SFMBT2: variants seen among roughly 807,000 people sequenced by gnomAD.
SFMBT2 encodes the protein scm-like with four MBT domains protein 2.
Under a neutral mutation model 110.1 loss-of-function variants are expected in SFMBT2, and 38 were observed. The observed-to-expected ratio is 0.35, with a 90% confidence interval of 0.27 to 0.45. The LOEUF is 0.45. SFMBT2 is among the 20% of genes least tolerant of loss of function. The pLI, the probability that SFMBT2 is intolerant of heterozygous loss-of-function variation, is 1.00. For missense variants in SFMBT2, 1,011 were observed against 1,094.9 expected (o/e 0.92, Z 1.08); for synonymous variants, 425 against 425.4 (o/e 1.00, Z 0.01).
At chr10:7,406,573 G>C (rs1846215555) in intron 1 of SFMBT2, among the ~76,000 whole-genome samples, 1 of 152,014 alleles carries the variant, frequency 6.6e-6, no homozygotes, top group Non-Finnish European at 1.5e-5. Context: ...ACAGGGAAGA[G>C]TCAGGAACCT....
intron 4 of SFMBT2, among the ~76,000 whole-genome samples, chr10:7,332,137 T>A (rs1264189810): frequency 6.6e-6 from 1 of 152,056 alleles, no homozygotes; most frequent in Admixed American, 6.5e-5. Flanking sequence ...TGGTATTGGC[T>A]CTTGGTACCA....
At chr10:7,251,730 A>G (rs1171547589) in intron 7 of SFMBT2, among the ~76,000 whole-genome samples, 2 of 152,186 alleles carry the variant, frequency 1.3e-5, no homozygotes, top group African/African-American at 4.8e-5. Flanking sequence ...ATTCATAACT[A>G]TAAGTGATGG....
At chr10:7,250,646 A>C (rs1338568527) in intron 7 of SFMBT2, among the ~76,000 whole-genome samples, 3 of 152,184 alleles carry the variant, frequency 2.0e-5, no homozygotes, top group Non-Finnish European at 4.4e-5. Context: ...TTTTAAGTCA[A>C]GAAATCTCAA....
rs1362381625 is a variant in SFMBT2, at chr10:7,364,366, T to C, written c.436+3283A>G. ...GTGTTCTCATTTTTCTTTTTGAACT[T>C]GTCATTTTAAGTGTGACTGTGGCAA... On this transcript the variant is annotated intron_variant, in intron 4 of 20. Transcript: ENST00000397167. 1.4e-4 allele frequency among the ~76,000 whole-genome samples: 21 copies of C among 152,236 alleles called. 1 individual carries two copies. The highest frequency in any genetic ancestry group is 2.1e-4 in the Non-Finnish European group (14 of 68,040).
At chr10:7,337,810 T>C (rs1227497566) in intron 4 of SFMBT2, among the ~76,000 whole-genome samples, 2 of 152,336 alleles carry the variant, frequency 1.3e-5, no homozygotes, top group South Asian at 4.1e-4. Flanking sequence ...TGGAATCAAC[T>C]GAAGACGAAA....
intron 9 of SFMBT2, among the ~76,000 whole-genome samples, chr10:7,231,797 TTCA>T (rs1840115962): frequency 1.3e-5 from 2 of 152,232 alleles, no homozygotes; most frequent in African/African-American, 4.8e-5. Context: ...CTTTACTCAC[TTCA>T]TCATTTCAAA....
chr10:7,261,703 T>A (rs1841209772), intron 7 of SFMBT2, among the ~76,000 whole-genome samples: 1 of 152,254 alleles, frequency 6.6e-6, no homozygotes, highest in Non-Finnish European at 1.5e-5. Flanking sequence ...TCCACTCTCC[T>A]AAACTGAGCC....
chr10:7,401,458 T>C lies in SFMBT2; in HGVS notation c.-52+9403A>G, dbSNP rs564880025. Among the ~76,000 whole-genome samples the C allele has an allele frequency of 1.2e-4, 19 of 152,258 alleles. No homozygotes were observed. In the South Asian group the frequency reaches 1.9e-3, roughly 15 times the overall value. On this transcript the variant is annotated intron_variant, in intron 1 of 20. Transcript: ENST00000397167. ...ACCTCCTGTTTGTTTATAAATACAA[T>C]ATGTACTATGAAAGAACAATTATGA...
intron 4 of SFMBT2, chr10:7,348,401 G>C: frequency 7.5e-7 from 1 of 1,334,798 alleles, no homozygotes; most frequent in Non-Finnish European, 9.9e-7. Context: ...GATGGGCTTT[G>C]GGGGGCTCTT....
chr10:7,268,566 A>G (rs1448416951), intron 7 of SFMBT2, among the ~76,000 whole-genome samples: 2 of 151,722 alleles, frequency 1.3e-5, no homozygotes, highest in Non-Finnish European at 2.9e-5. Flanking sequence ...GCTGGAGTGC[A>G]GTGGCACGAT....
At chr10:7,168,572 G>A (rs181648612) in intron 20 of SFMBT2, among the ~76,000 whole-genome samples, 2 of 152,304 alleles carry the variant, frequency 1.3e-5, no homozygotes, top group East Asian at 3.9e-4. Flanking sequence ...CGTGATCAGC[G>A]CAACCAAACA....
intron 7 of SFMBT2, among the ~76,000 whole-genome samples, chr10:7,254,289 C>T (rs1588388346): frequency 6.6e-6 from 1 of 152,232 alleles, no homozygotes; most frequent in Non-Finnish European, 1.5e-5. Context: ...CACTGAGGCA[C>T]CGCACAGGAG....
intron 16 of SFMBT2, among the ~76,000 whole-genome samples, chr10:7,180,155 C>A (rs573978399): frequency 6.6e-6 from 1 of 151,154 alleles, no homozygotes; most frequent in African/African-American, 2.4e-5. Flanking sequence ...CAGGGTCTCA[C>A]TTAGTCATCC....
intron 4 of SFMBT2, among the ~76,000 whole-genome samples, chr10:7,345,930 C>T (rs570868684): frequency 5.3e-5 from 8 of 152,306 alleles, no homozygotes; most frequent in East Asian, 1.9e-4. Flanking sequence ...CATTCCACTT[C>T]GAGTGCCAAG....
chr10:7,366,864 C>T (rs1257896462), intron 4 of SFMBT2, among the ~76,000 whole-genome samples: 1 of 152,154 alleles, frequency 6.6e-6, no homozygotes, highest in African/African-American at 2.4e-5. Flanking sequence ...TCATCGCTGG[C>T]CTCCACCCAC....
intron 17 of SFMBT2, among the ~76,000 whole-genome samples, chr10:7,175,685 T>C (rs112752703): frequency 6.6e-6 from 1 of 152,306 alleles, no homozygotes; most frequent in African/African-American, 2.4e-5. Context: ...CTGCCATCCA[T>C]TGAGCTGTAG....
At chr10:7,192,017 T>A (rs2692800) in intron 15 of SFMBT2, among the ~76,000 whole-genome samples, 1 of 151,798 alleles carries the variant, frequency 6.6e-6, no homozygotes, top group South Asian at 2.1e-4. Flanking sequence ...GTCTTCTCTA[T>A]GAGAAAATAA....
chr10:7,377,874 G>A lies in SFMBT2; in HGVS notation c.100+3925C>T, dbSNP rs1292191090. On this transcript the variant is annotated intron_variant, in intron 2 of 20. Coordinates refer to ENST00000397167, the MANE Select transcript of SFMBT2 (RefSeq NM_001387889.1). Reference sequence around the variant, plus strand: ...GGGAACCCCTGTAGAAATGTGTCACGGGACACAGGGGAGGTGGCACGGGAG... The same window carrying A: ...GGGAACCCCTGTAGAAATGTGTCACAGGACACAGGGGAGGTGGCACGGGAG... Among the ~76,000 whole-genome samples the A allele has an allele frequency of 9.9e-5, 15 of 151,866 alleles. No homozygotes were observed. The South Asian group carries it at 1.2e-3, about 13-fold the overall frequency.
intron 12 of SFMBT2, chr10:7,204,402 C>T (rs1839060524): frequency 1.6e-5 from 16 of 985,360 alleles, no homozygotes; most frequent in Non-Finnish European, 1.7e-5. Flanking sequence ...TGCCTAAATT[C>T]CATCAAGAAA....
Sources: allele counts gnomAD v4.1 joint callset (sites outside exome capture counted in the v4.1 genomes callset), GRCh38; gene constraint gnomAD v4.1.1; transcripts MANE v1.5; gene names NCBI Gene and HGNC (gene_info 2026-07-23, HGNC 2026-07-21).